Variants in SLC4A4 observed in about 807,000 individuals in gnomAD.
SLC4A4 encodes electrogenic sodium bicarbonate cotransporter 1.
In SLC4A4, 27 loss-of-function variants were observed where a neutral mutation model predicts 111.5. That is an observed-to-expected ratio of 0.24 (90% CI 0.18 to 0.33). The LOEUF is 0.33. Among genes scored for constraint, SLC4A4 ranks in the 10% least tolerant of loss-of-function variants. The probability of loss-of-function intolerance (pLI) is 1.00; values close to 1 mark genes in which losing one functional copy is unlikely to be tolerated. For synonymous variants in SLC4A4, 443 were observed against 463.4 expected (o/e 0.96, Z 0.57); for missense variants, 909 against 1,315.5 (o/e 0.69, Z 4.78).
intron 7 of SLC4A4, among the ~76,000 whole-genome samples, chr4:71,420,615 C>T (rs1433823087): frequency 1.3e-5 from 2 of 152,186 alleles, no homozygotes; most frequent in Non-Finnish European, 2.9e-5. Flanking sequence ...AAGGGAAGCC[C>T]ATCAGACTAA....
intron 7 of SLC4A4, among the ~76,000 whole-genome samples, chr4:71,424,193 C>T (rs1472022004): frequency 1.3e-5 from 2 of 152,154 alleles, no homozygotes; most frequent in African/African-American, 4.8e-5. Context: ...CATGAACAGA[C>T]ACTTCTCAAA....
chr4:71,325,950 T>C (rs1016785722), intron 3 of SLC4A4, among the ~76,000 whole-genome samples: 6 of 152,000 alleles, frequency 3.9e-5, no homozygotes, highest in South Asian at 4.1e-4. Context: ...TTAGTTATTC[T>C]CATTTCTTTT....
intron 3 of SLC4A4, among the ~76,000 whole-genome samples, chr4:71,292,172 C>T (rs756293080): frequency 1.3e-5 from 2 of 152,114 alleles, no homozygotes; most frequent in African/African-American, 4.8e-5. Context: ...ATCTATAATA[C>T]GGTCTAACTT....
At chr4:71,384,573 T>C (rs1448847165) in intron 6 of SLC4A4, among the ~76,000 whole-genome samples, 2 of 150,548 alleles carry the variant, frequency 1.3e-5, no homozygotes. Context: ...ACCCAGGAGG[T>C]TGCAGTGAGG....
intron 1 of SLC4A4, among the ~76,000 whole-genome samples, chr4:71,069,888 T>G (rs1741621970): frequency 6.6e-6 from 1 of 151,422 alleles, no homozygotes; most frequent in East Asian, 1.9e-4. Flanking sequence ...ATAAAATTAG[T>G]TTTTTTTTAG....
At chr4:71,439,394 C>T (rs1216764099) in intron 7 of SLC4A4, among the ~76,000 whole-genome samples, 2 of 129,014 alleles carry the variant, frequency 1.6e-5, no homozygotes, top group Non-Finnish European at 3.2e-5. Flanking sequence ...CGCCACTGCA[C>T]CACTGCACTT....
At chr4:71,438,696 A>G (rs1426714348) in intron 7 of SLC4A4, among the ~76,000 whole-genome samples, 1 of 152,174 alleles carries the variant, frequency 6.6e-6, no homozygotes, top group African/African-American at 2.4e-5. Flanking sequence ...GAACTTTAAT[A>G]ACATTTATTC....
At chr4:71,294,280 C>G (rs1444718339) in intron 3 of SLC4A4, among the ~76,000 whole-genome samples, 1 of 152,210 alleles carries the variant, frequency 6.6e-6, no homozygotes, top group Non-Finnish European at 1.5e-5. Flanking sequence ...TTCCCCCTGA[C>G]AGGTGTGGAA....
intron 4 of SLC4A4, among the ~76,000 whole-genome samples, chr4:71,339,900 G>T (rs1195115559): frequency 6.6e-6 from 1 of 152,074 alleles, no homozygotes; most frequent in African/African-American, 2.4e-5. Flanking sequence ...GATTTTGTGT[G>T]ACTTATTACT....
intron 12 of SLC4A4, among the ~76,000 whole-genome samples, chr4:71,463,699 C>T (rs1329901435): frequency 3.3e-5 from 5 of 152,120 alleles, no homozygotes; most frequent in Non-Finnish European, 7.4e-5. Flanking sequence ...TGCCTGTTGA[C>T]CTTTGATAAG....
At chr4:71,404,695 C>A (rs1180273865) in intron 7 of SLC4A4, among the ~76,000 whole-genome samples, 1 of 152,084 alleles carries the variant, frequency 6.6e-6, no homozygotes, top group Non-Finnish European at 1.5e-5. Context: ...TTGGAAGTGG[C>A]AAATTGTTAC....
intron 2 of SLC4A4, among the ~76,000 whole-genome samples, chr4:71,254,661 A>G (rs1247981541): frequency 1.5e-4 from 23 of 152,210 alleles, no homozygotes; most frequent in Non-Finnish European, 1.5e-5. Flanking sequence ...TAAAAAAAAA[A>G]AAAAGTTTTA....
intron 2 of SLC4A4, among the ~76,000 whole-genome samples, chr4:71,167,150 G>C (rs1346810885): frequency 6.6e-6 from 1 of 152,078 alleles, no homozygotes; most frequent in Non-Finnish European, 1.5e-5. Flanking sequence ...GAATCATTTG[G>C]AGGTTCCTTG....
intron 2 of SLC4A4, among the ~76,000 whole-genome samples, chr4:71,240,977 C>A (rs1720165062): frequency 6.6e-6 from 1 of 151,532 alleles, no homozygotes; most frequent in Non-Finnish European, 1.5e-5. Context: ...AAAAAAATAG[C>A]TGGGTGTTGT....
At chr4:71,462,441 A>G (rs553397284) in intron 12 of SLC4A4, among the ~76,000 whole-genome samples, 3 of 142,086 alleles carry the variant, frequency 2.1e-5, no homozygotes, top group African/African-American at 7.9e-5. Context: ...TTTTTTTTGA[A>G]ACTGTCGCCT....
chr4:71,382,510 C>T (rs972673238), intron 6 of SLC4A4, among the ~76,000 whole-genome samples: 9 of 152,170 alleles, frequency 5.9e-5, no homozygotes, highest in African/African-American at 1.4e-4. Context: ...ACAATCCTCA[C>T]GCTTTTTCTT....
intron 3 of SLC4A4, among the ~76,000 whole-genome samples, chr4:71,326,301 T>C (rs1727498055): frequency 1.3e-5 from 2 of 151,872 alleles, no homozygotes. Flanking sequence ...TTTATAAGGA[T>C]GAGAAAAGGT....
intron 1 of SLC4A4, among the ~76,000 whole-genome samples, chr4:71,087,888 T>G (rs1189704073): frequency 6.6e-6 from 1 of 151,982 alleles, no homozygotes; most frequent in Non-Finnish European, 1.5e-5. Flanking sequence ...TCTGTTGATT[T>G]GGGGTGGAGA....
chr4:71,095,696 G>A (rs1226569859), intron 2 of SLC4A4, among the ~76,000 whole-genome samples: 3 of 152,074 alleles, frequency 2.0e-5, no homozygotes, highest in Non-Finnish European at 4.4e-5. Context: ...GAACAAGAAG[G>A]GTATGGCTCC....
Sources: allele counts gnomAD v4.1 joint callset (sites outside exome capture counted in the v4.1 genomes callset), GRCh38; gene constraint gnomAD v4.1.1; transcripts MANE v1.5; gene names NCBI Gene and HGNC (gene_info 2026-07-23, HGNC 2026-07-21).